KMT2C: variants seen among roughly 807,000 people sequenced by gnomAD.
KMT2C encodes the protein histone-lysine N-methyltransferase 2C.
Under a neutral mutation model 507.9 loss-of-function variants are expected in KMT2C, and 88 were observed. The ratio of observed to expected loss-of-function variants is 0.17; its 90% CI spans 0.15 to 0.21. The LOEUF is 0.21. KMT2C is among the 10% of genes least tolerant of loss of function. The pLI is 1.00. For synonymous variants in KMT2C, 2,049 were observed against 2,080.8 expected, an observed-to-expected ratio of 0.98 and a Z score of 0.42; for missense variants, 4,954 against 5,957.8, an observed-to-expected ratio of 0.83 and a Z score of 5.55.
At chr7:152,360,158 A>G (rs1465022842) in intron 1 of KMT2C, among the ~76,000 whole-genome samples, 4 of 151,860 alleles carry the variant, frequency 2.6e-5, no homozygotes, top group African/African-American at 9.7e-5. Context: ...TAAGAAATCC[A>G]TTTAAGTCTT....
intron 1 of KMT2C, among the ~76,000 whole-genome samples, chr7:152,378,536 A>G (rs1184977364): frequency 6.6e-6 from 1 of 152,248 alleles, no homozygotes; most frequent in Non-Finnish European, 1.5e-5. Context: ...ATATAAACAT[A>G]ATATTTACAT....
chr7:152,238,973 T>A (rs2360903), intron 14 of KMT2C, 147 bp from the exon 15 acceptor site: 8 of 432,086 alleles, frequency 1.9e-5, no homozygotes, highest in Admixed American at 4.9e-5. Flanking sequence ...GCAAAATAAG[T>A]TAATCACTAA....
At chr7:152,241,691 C>T (rs2095389563) in intron 14 of KMT2C, among the ~76,000 whole-genome samples, 1 of 152,322 alleles carries the variant, frequency 6.6e-6, no homozygotes, top group African/African-American at 2.4e-5. Flanking sequence ...AATTACTTCT[C>T]TCAATATTTC....
At chr7:152,296,359 G>A (rs1300276561) in intron 6 of KMT2C, among the ~76,000 whole-genome samples, 2 of 150,606 alleles carry the variant, frequency 1.3e-5, no homozygotes, top group African/African-American at 4.9e-5. Context: ...ACTTGAACCT[G>A]GGAGACAGAG....
chr7:152,363,741 A>G (rs982844054), intron 1 of KMT2C, among the ~76,000 whole-genome samples: 2 of 152,200 alleles, frequency 1.3e-5, no homozygotes, highest in South Asian at 2.1e-4. Flanking sequence ...AGACTACCCA[A>G]GAGAAGAGAG....
chr7:152,190,188 G>A (rs2093749181), intron 31 of KMT2C, among the ~76,000 whole-genome samples: 1 of 152,172 alleles, frequency 6.6e-6, no homozygotes. Flanking sequence ...GTGCGAAAAA[G>A]GCTGGGGACT....
chr7:152,263,429 T>G (rs906066471), intron 8 of KMT2C, among the ~76,000 whole-genome samples: 1 of 152,202 alleles, frequency 6.6e-6, no homozygotes, highest in African/African-American at 2.4e-5. Context: ...ATAGAATTTT[T>G]GAGAGGAAGG....
At chr7:152,370,524 T>C (rs2097285947) in intron 1 of KMT2C, among the ~76,000 whole-genome samples, 1 of 152,134 alleles carries the variant, frequency 6.6e-6, no homozygotes, top group Non-Finnish European at 1.5e-5. Flanking sequence ...AGGTCAGCAT[T>C]ATCCTAAAGC....
Position 152,297,691 on chromosome 7 carries a change from G to A in KMT2C, c.849+12275C>T, listed in dbSNP as rs535206599. Among the ~76,000 whole-genome samples the A allele has an allele frequency of 6.4e-4, 97 of 152,012 alleles. 1 individual carries two copies. In the South Asian group the frequency reaches 0.019, roughly 30 times the overall value. ...AAAACAAAACCCAAAAGAATGAAAC[G>A]GTTTATAAGTAACTCAACTACATCT... On this transcript the variant is annotated intron_variant, in intron 6 of 58. Coordinates refer to ENST00000262189, the MANE Select transcript of KMT2C (RefSeq NM_170606.3).
chr7:152,242,241 A>C (rs1204046067), intron 14 of KMT2C, among the ~76,000 whole-genome samples: 2 of 152,136 alleles, frequency 1.3e-5, no homozygotes, highest in Non-Finnish European at 2.9e-5. Context: ...CCTGTTCAGC[A>C]CTTATTGAAC....
intron 1 of KMT2C, among the ~76,000 whole-genome samples, chr7:152,425,906 C>T (rs1001210084): frequency 1.3e-5 from 2 of 151,908 alleles, no homozygotes; most frequent in African/African-American, 4.8e-5. Flanking sequence ...TTTAAAACCA[C>T]CTAAAACAAG....
In KMT2C at chr7:152,368,216, T is replaced by C. The variant is rs1476698799; in HGVS notation, c.162-9541A>G. 4.5e-6 allele frequency: 4 copies of C among 891,658 alleles called. No homozygotes were observed. The African/African-American group carries it at 4.9e-5, about 11-fold the overall frequency. 55.2% of individuals were successfully genotyped at this position (891,658 alleles called of 1,614,324 possible). A position where few individuals can be genotyped will look rare whatever the true frequency, so the allele number is the denominator to read the frequency against. ...GATTTTACAATTCTAAGAAATATGC[T>C]GATAAAAACACACACTCAGGACTTG... is the stretch of plus-strand genomic sequence containing the variant. On this transcript the variant is annotated intron_variant, in intron 1 of 58. Coordinates refer to ENST00000262189, the MANE Select transcript of KMT2C (RefSeq NM_170606.3).
intron 1 of KMT2C, among the ~76,000 whole-genome samples, chr7:152,383,522 T>C (rs76001567): frequency 0.013 from 1,597 of 121,440 alleles, no homozygotes; most frequent in African/African-American, 0.026. Context: ...CGGGAAACCC[T>C]GGGAAAGGAG....
chr7:152,312,121 G>A (rs1204837038), intron 4 of KMT2C, 175 bp from the exon 5 acceptor site: 5 of 428,000 alleles, frequency 1.2e-5, no homozygotes, highest in Non-Finnish European at 2.0e-5. Flanking sequence ...TATTAAACTG[G>A]GTTGCCATAT....
chr7:152,255,109 T>TA lies in KMT2C; in HGVS notation c.1300-2395_1300-2394insT, dbSNP rs1588626891. Among the ~76,000 whole-genome samples the TA allele has an allele frequency of 9.1e-4, 71 of 78,340 alleles. 2 individuals are homozygous for TA. The highest frequency in any genetic ancestry group is 8.3e-3 in the Middle Eastern group (1 of 120). The allele number at this position is 78,340 out of a possible 152,430, so 51.4% of individuals were successfully genotyped here. On this transcript the variant is annotated intron_variant, in intron 9 of 58. Transcript: ENST00000262189. The stretch of plus-strand genomic sequence containing the variant: ...AATCAAGATGTCAATCAACTCTCAC[T>TA]TATATATATATATATATATATATAT...
intron 30 of KMT2C, 44 bp from the exon 31 acceptor site, chr7:152,194,172 A>AG: frequency 6.4e-7 from 1 of 1,567,548 alleles, no homozygotes. Flanking sequence ...AAAGACTAGT[A>AG]GGGTCCTGGT....
chr7:152,156,952 C>G (rs2092091440), intron 44 of KMT2C, among the ~76,000 whole-genome samples: 1 of 152,178 alleles, frequency 6.6e-6, no homozygotes, highest in African/African-American at 2.4e-5. Flanking sequence ...TGATTAGTCT[C>G]TCAAGGAGAG....
At chr7:152,376,314 C>A (rs1204849255) in intron 1 of KMT2C, among the ~76,000 whole-genome samples, 1 of 152,116 alleles carries the variant, frequency 6.6e-6, no homozygotes, top group East Asian at 1.9e-4. Context: ...TCAAACAATT[C>A]AGGGAAAGGA....
At chr7:152,187,090 G>A (rs996875845) in intron 33 of KMT2C, among the ~76,000 whole-genome samples, 172 bp downstream of exon 33, 1 of 152,036 alleles carries the variant, frequency 6.6e-6, no homozygotes, top group Non-Finnish European at 1.5e-5. Flanking sequence ...TGGATGCAGG[G>A]TCTAGGACAA....
Sources: gnomAD v4.1 joint callset for allele counts (sites outside exome capture counted in the v4.1 genomes callset) on GRCh38, gnomAD v4.1.1 for gene constraint, MANE v1.5 for transcripts, NCBI Gene and HGNC (gene_info 2026-07-23, HGNC 2026-07-21) for gene names.